DRG1: variants seen among roughly 807,000 people sequenced by gnomAD.
DRG1 encodes developmentally regulated GTP binding protein 1, also known as developmentally-regulated GTP-binding protein 1.
A neutral mutation model predicts 38.8 loss-of-function variants in DRG1; 19 were observed. The observed-to-expected ratio is 0.49, with a 90% CI of 0.34 to 0.72. The LOEUF (loss-of-function observed/expected upper bound fraction) is 0.72, where lower values mean the gene tolerates loss of function less well. DRG1 is among the 30% of genes least tolerant of loss of function. The probability of loss-of-function intolerance (pLI) is 0.01; values close to 1 mark genes in which losing one functional copy is unlikely to be tolerated. For missense variants in DRG1, 299 were observed against 444.8 expected (o/e 0.67, Z 2.95); for synonymous variants, 167 against 157.5 (o/e 1.06, Z -0.45).
chr22:31,430,817 C>A (rs373095693), intron 8 of DRG1, among the ~76,000 whole-genome samples: 3 of 152,066 alleles, frequency 2.0e-5, no homozygotes, highest in African/African-American at 7.2e-5. Context: ...TTCCCAGGCT[C>A]AAGCGATCCT....
chr22:31,420,180 A>G, intron 4 of DRG1, 76 bp from the exon 5 acceptor site: 1 of 1,514,094 alleles, frequency 6.6e-7, no homozygotes, highest in Admixed American at 2.0e-5. Flanking sequence ...GGGGGAAAAA[A>G]CACCTCTACT....
intron 6 of DRG1, 42 bp downstream of exon 6, chr22:31,423,452 G>T (rs373827710): frequency 1.2e-6 from 2 of 1,608,092 alleles, no homozygotes; most frequent in South Asian, 2.2e-5. Context: ...TGAATTGGAA[G>T]CCTTGTGATG....
intron 6 of DRG1, among the ~76,000 whole-genome samples, chr22:31,423,900 T>C (rs894732369): frequency 1.3e-5 from 2 of 150,470 alleles, no homozygotes; most frequent in African/African-American, 2.5e-5. Context: ...GTTTCGCTCT[T>C]GTTAGCCAGG....
intron 7 of DRG1, 112 bp downstream of exon 7, chr22:31,426,894 A>T: frequency 6.7e-7 from 1 of 1,499,990 alleles, no homozygotes; most frequent in South Asian, 1.3e-5. Flanking sequence ...AATATAAGTA[A>T]ATTGGTTCCT....
intron 6 of DRG1, among the ~76,000 whole-genome samples, chr22:31,423,867 T>C (rs1002842175): frequency 2.0e-5 from 3 of 146,378 alleles, no homozygotes; most frequent in Non-Finnish European, 3.0e-5. Context: ...TGGTTTCTTT[T>C]TTTTTTTTTT....
At chr22:31,430,522 C>G (rs2050133020) in intron 8 of DRG1, among the ~76,000 whole-genome samples, 1 of 151,872 alleles carries the variant, frequency 6.6e-6, no homozygotes, top group Non-Finnish European at 1.5e-5. Flanking sequence ...GCCTCAGCCT[C>G]CTGAGTAGCT....
At chr22:31,429,703 G>C (rs1052894263) in intron 8 of DRG1, among the ~76,000 whole-genome samples, 1 of 151,676 alleles carries the variant, frequency 6.6e-6, no homozygotes, top group South Asian at 2.1e-4. Flanking sequence ...CCGGAGTGCA[G>C]TGGCACGATC....
chr22:31,418,177 T>G (rs2050054896), intron 4 of DRG1, among the ~76,000 whole-genome samples: 1 of 147,744 alleles, frequency 6.8e-6, no homozygotes. Context: ...GTGCAATGGC[T>G]CATACCTGTA....
chr22:31,411,581 G>T (rs569919455), intron 4 of DRG1, among the ~76,000 whole-genome samples: 2 of 147,746 alleles, frequency 1.4e-5, no homozygotes, highest in African/African-American at 5.0e-5. Context: ...CCAGGCTGGA[G>T]TGCAGTGGGA....
At chr22:31,427,039 T>A in intron 7 of DRG1, 21 bp from the exon 8 acceptor site, 1 of 1,613,524 alleles carries the variant, frequency 6.2e-7, no homozygotes, top group Non-Finnish European at 8.5e-7. Context: ...GGCAGTAATC[T>A]TTATGCCCTC....
chr22:31,404,394 C>T (rs2049978732), intron 3 of DRG1, among the ~76,000 whole-genome samples: 1 of 151,678 alleles, frequency 6.6e-6, no homozygotes, highest in East Asian at 1.9e-4. Flanking sequence ...GCACGCACCC[C>T]CATGGCTGGC....
At chr22:31,431,329 C>T (rs1396213951) in intron 8 of DRG1, among the ~76,000 whole-genome samples, 1 of 152,030 alleles carries the variant, frequency 6.6e-6, no homozygotes, top group African/African-American at 2.4e-5. Context: ...CCACTGTGCC[C>T]GCCGCACTTT....
chr22:31,424,442 C>T (rs1462550256), intron 6 of DRG1, among the ~76,000 whole-genome samples: 2 of 147,888 alleles, frequency 1.4e-5, no homozygotes, highest in Non-Finnish European at 3.0e-5. Context: ...TGAGCCACTG[C>T]GTCCAGCCTG....
intron 2 of DRG1, among the ~76,000 whole-genome samples, chr22:31,401,705 G>T (rs567934529): frequency 6.6e-6 from 1 of 152,020 alleles, no homozygotes; most frequent in Non-Finnish European, 1.5e-5. Context: ...GCAGTGAGTT[G>T]TGATGGCACC....
intron 1 of DRG1, 101 bp downstream of exon 1, chr22:31,399,826 A>G (rs1035071466): frequency 1.3e-6 from 2 of 1,561,198 alleles, no homozygotes; most frequent in African/African-American, 2.7e-5. Flanking sequence ...GACCGGGCCT[A>G]GATTCCGCGA....
At chr22:31,411,213 T>C (rs2050016371) in intron 4 of DRG1, 132 bp downstream of exon 4, 7 of 893,906 alleles carry the variant, frequency 7.8e-6, no homozygotes, top group Non-Finnish European at 1.2e-5. Context: ...CTCATTTAAG[T>C]TGAAGCTTGA....
At chr22:31,422,031 A>C (rs2050079549) in intron 5 of DRG1, among the ~76,000 whole-genome samples, 1 of 151,512 alleles carries the variant, frequency 6.6e-6, no homozygotes, top group Non-Finnish European at 1.5e-5. Context: ...AGGAGAATCG[A>C]ACCCAAGAGG....
At position 31,403,132 on chromosome 22, in the gene DRG1, G is replaced by T. The variant is rs2049971824; in HGVS notation, c.270G>T (p.Glu90Asp). Residue 90 changes from glutamate (E) to aspartate (D), a missense_variant, in exon 3 of 9, where the codon GAG becomes GAT. Transcript: ENST00000331457. The part of the protein sequence containing the change: ...LLSNLAGVYS[E>D]VAAYEFTTLT... ...GTAACCTGGCAGGGGTATATTCTGA[G>T]GTGGCAGCCTATGAATTCACTACTC... is the stretch of plus-strand genomic sequence containing the variant. 6.2e-7 allele frequency: 1 copy of T among 1,614,024 alleles called. No homozygotes were observed. Among genetic ancestry groups the T allele is most frequent in the African/African-American group, 1.3e-5 (1 of 74,992 alleles).
At chr22:31,426,959 G>A in intron 7 of DRG1, 101 bp from the exon 8 acceptor site, 1 of 1,547,722 alleles carries the variant, frequency 6.5e-7, no homozygotes, top group Non-Finnish European at 8.8e-7. Flanking sequence ...TTAAGTTGGA[G>A]GTTGTCCTGG....
Sources: gnomAD v4.1 joint callset for allele counts (sites outside exome capture counted in the v4.1 genomes callset) on GRCh38, gnomAD v4.1.1 for gene constraint, MANE v1.5 for transcripts, NCBI Gene and HGNC (gene_info 2026-07-23, HGNC 2026-07-21) for gene names.